Variants in CEMIP2 observed in about 807,000 individuals in gnomAD.
CEMIP2 encodes the protein cell migration inducing hyaluronidase 2, also known as cell surface hyaluronidase CEMIP2.
A neutral mutation model predicts 146.9 loss-of-function variants in CEMIP2; 79 were observed. That is an observed-to-expected ratio of 0.54 (90% CI 0.45 to 0.65). The LOEUF (loss-of-function observed/expected upper bound fraction) is 0.65. CEMIP2 is among the 30% of genes least tolerant of loss of function. The pLI is 0.00. For missense variants in CEMIP2, 1,596 were observed against 1,696.2 expected, an observed-to-expected ratio of 0.94 and a Z score of 1.04; for synonymous variants, 601 against 606.3, an observed-to-expected ratio of 0.99 and a Z score of 0.13.
At chr9:71,701,579 T>G (rs7035031) in intron 18 of CEMIP2, among the ~76,000 whole-genome samples, 7,204 of 152,144 alleles carry the variant, frequency 0.047, 344 homozygotes, top group African/African-American at 0.12. Flanking sequence ...GCATTCTAAA[T>G]AATTTTTTTG....
At chr9:71,736,339 C>T (rs1230194195) in intron 5 of CEMIP2, among the ~76,000 whole-genome samples, 1 of 152,160 alleles carries the variant, frequency 6.6e-6, no homozygotes, top group Non-Finnish European at 1.5e-5. Flanking sequence ...GAGGACTGCT[C>T]ACCTCCTTGG....
Position 71,683,902 on chromosome 9 carries a change from G to C in CEMIP2, c.*1295C>G, listed in dbSNP as rs376007736. On this transcript the variant is annotated 3_prime_UTR_variant, in exon 24 of 24. Coordinates refer to ENST00000377044, the MANE Select transcript of CEMIP2 (RefSeq NM_013390.3). ...GCCATCCCTCCTCTACACTTTATGC[G>C]TCGGGGGTTTAGAACAACGTAAAGG... is the stretch of plus-strand genomic sequence containing the variant. 1 of 152,360 alleles carries C rather than the reference G, an allele frequency of 6.6e-6. No homozygotes were observed. Among genetic ancestry groups the C allele is most frequent in the African/African-American group, 2.4e-5 (1 of 41,416 alleles). The allele number at this position is 152,360 out of a possible 1,614,324, so 9.4% of individuals were successfully genotyped here.
At chr9:71,717,909 T>A (rs920485536) in intron 13 of CEMIP2, 39 bp downstream of exon 13, 1 of 1,561,764 alleles carries the variant, frequency 6.4e-7, no homozygotes, top group Non-Finnish European at 8.7e-7. Context: ...AAATAATACA[T>A]CAGTGTCATC....
intron 4 of CEMIP2, among the ~76,000 whole-genome samples, chr9:71,741,890 A>AC (rs577196398): frequency 3.1e-3 from 468 of 150,502 alleles, no homozygotes; most frequent in African/African-American, 0.01. Context: ...AGGTGATCTG[A>AC]CCTCCTTGGC....
intron 1 of CEMIP2, among the ~76,000 whole-genome samples, chr9:71,761,460 A>G (rs62544893): frequency 0.11 from 17,282 of 152,264 alleles, 1,123 homozygotes; most frequent in South Asian, 0.22. Context: ...AAATATTTCA[A>G]ATGAATAATG....
intron 5 of CEMIP2, among the ~76,000 whole-genome samples, chr9:71,739,607 TCTAGA>T (rs74458082): frequency 0.07 from 10,703 of 152,072 alleles, 532 homozygotes; most frequent in South Asian, 0.19. Context: ...GAAGATTGTT[TCTAGA>T]CTAGAGAATG....
At chr9:71,717,811 T>C (rs1823110430) in intron 13 of CEMIP2, 137 bp downstream of exon 13, 4 of 821,200 alleles carry the variant, frequency 4.9e-6, no homozygotes, top group Admixed American at 6.8e-5. Context: ...GCATACTTCC[T>C]CAGAGCTTGT....
chr9:71,725,504 G>A (rs891198123), intron 11 of CEMIP2, 77 bp downstream of exon 11: 1 of 1,455,226 alleles, frequency 6.9e-7, no homozygotes, highest in African/African-American at 1.4e-5. Context: ...GCACAAAGTG[G>A]ACTAAAATAT....
intron 1 of CEMIP2, among the ~76,000 whole-genome samples, chr9:71,762,593 C>G (rs966590426): frequency 6.3e-4 from 95 of 150,024 alleles, no homozygotes; most frequent in African/African-American, 2.3e-3. Context: ...CAAGCACTAA[C>G]AGGAGGCAAG....
intron 5 of CEMIP2, among the ~76,000 whole-genome samples, chr9:71,738,832 G>A (rs911730744): frequency 6.7e-6 from 1 of 149,100 alleles, no homozygotes; most frequent in Non-Finnish European, 1.5e-5. Context: ...GTGAGACTCC[G>A]TCTCAAAAAA....
chr9:71,716,438 C>A, intron 14 of CEMIP2, 79 bp downstream of exon 14: 3 of 1,163,300 alleles, frequency 2.6e-6, no homozygotes, highest in African/African-American at 1.6e-5. Context: ...ATAAAACATT[C>A]CTGTGTATTA....
At chr9:71,766,931 G>A (rs1824815786) in intron 1 of CEMIP2, among the ~76,000 whole-genome samples, 1 of 152,176 alleles carries the variant, frequency 6.6e-6, no homozygotes, top group South Asian at 2.1e-4. Context: ...ACAGAAGCTG[G>A]GGGAAGTCAT....
At chr9:71,710,519 C>G (rs1822876203) in intron 16 of CEMIP2, among the ~76,000 whole-genome samples, 2 of 152,204 alleles carry the variant, frequency 1.3e-5, no homozygotes, top group Admixed American at 1.3e-4. Context: ...TTGCAAACCG[C>G]TCCTTTTATA....
At chr9:71,757,399 A>C (rs2132035975) in intron 1 of CEMIP2, among the ~76,000 whole-genome samples, 1 of 152,330 alleles carries the variant, frequency 6.6e-6, no homozygotes, top group Admixed American at 6.5e-5. Context: ...ACTCAACCTA[A>C]GGGTCAAGTT....
At chr9:71,764,573 A>G (rs1384866298) in intron 1 of CEMIP2, among the ~76,000 whole-genome samples, 1 of 152,172 alleles carries the variant, frequency 6.6e-6, no homozygotes, top group Admixed American at 6.5e-5. Flanking sequence ...TTCAAGCGAC[A>G]TGCTAAGATT....
chr9:71,741,757 G>A (rs549935089), intron 4 of CEMIP2, among the ~76,000 whole-genome samples: 1 of 146,250 alleles, frequency 6.8e-6, no homozygotes, highest in South Asian at 2.2e-4. Flanking sequence ...TCCTGCCTTA[G>A]CCTCCCAAGT....
chr9:71,706,229 CA>C (rs1296331600), intron 17 of CEMIP2, among the ~76,000 whole-genome samples: 2 of 104,362 alleles, frequency 1.9e-5, no homozygotes, highest in East Asian at 2.6e-4. Flanking sequence ...AACTCCATCT[CA>C]AAAAAAAAGG....
chr9:71,763,361 C>T (rs7030211), intron 1 of CEMIP2, among the ~76,000 whole-genome samples: 35,920 of 152,000 alleles, frequency 0.24, 4,449 homozygotes, highest in South Asian at 0.34. Context: ...GACCTGACCA[C>T]GATATCAAAT....
chr9:71,755,033 GA>G (rs963340743), intron 1 of CEMIP2, among the ~76,000 whole-genome samples: 3 of 151,566 alleles, frequency 2.0e-5, no homozygotes, highest in Admixed American at 6.6e-5. Flanking sequence ...CTTCTCTTGG[GA>G]AAAAAAACTG....
Sources: gnomAD v4.1 joint callset for allele counts (sites outside exome capture counted in the v4.1 genomes callset) on GRCh38, gnomAD v4.1.1 for gene constraint, MANE v1.5 for transcripts, NCBI Gene and HGNC (gene_info 2026-07-23, HGNC 2026-07-21) for gene names.